The following ASTN2 variants were observed in gnomAD, a reference collection of about 807,000 sequenced individuals.
ASTN2 encodes astrotactin-2.
ASTN2 carries 54 observed loss-of-function variants against 139.8 expected under a neutral mutation model. That is an observed-to-expected ratio of 0.39 (90% confidence interval 0.31 to 0.48). The LOEUF is 0.48. Among genes scored for constraint, ASTN2 ranks in the 20% least tolerant of loss-of-function variants. ASTN2 has a pLI of 0.95. For missense variants in ASTN2, 1,565 were observed against 1,725.1 expected (o/e 0.91, Z 1.64); for synonymous variants, 756 against 719.5 (o/e 1.05, Z -0.81).
chr9:116,705,085 T>TAAG (rs1201687095), intron 16 of ASTN2, among the ~76,000 whole-genome samples: 1 of 152,194 alleles, frequency 6.6e-6, no homozygotes, highest in African/African-American at 2.4e-5. Context: ...ATATCCCTGT[T>TAAG]AAGTGGTTAA....
chr9:116,632,378 T>C (rs972015541), intron 17 of ASTN2, among the ~76,000 whole-genome samples: 5 of 151,508 alleles, frequency 3.3e-5, no homozygotes, highest in African/African-American at 1.2e-4. Context: ...GAGGATTGCT[T>C]GAGGCCAGGA....
At chr9:116,890,569 A>T (rs1056106188) in intron 10 of ASTN2, among the ~76,000 whole-genome samples, 1 of 152,178 alleles carries the variant, frequency 6.6e-6, no homozygotes, top group Non-Finnish European at 1.5e-5. Flanking sequence ...TGATCTTTTG[A>T]CACTTAAGCT....
chr9:117,263,182 A>G (rs1833864896), intron 2 of ASTN2, among the ~76,000 whole-genome samples: 1 of 151,970 alleles, frequency 6.6e-6, no homozygotes, highest in Non-Finnish European at 1.5e-5. Flanking sequence ...AATAAGAAGG[A>G]CTCCTTTTTT....
chr9:117,406,277 T>G (rs1830984956), intron 1 of ASTN2, among the ~76,000 whole-genome samples: 1 of 152,204 alleles, frequency 6.6e-6, no homozygotes, highest in South Asian at 2.1e-4. Flanking sequence ...CAGTAGAGAC[T>G]CCTTCAGGCT....
chr9:117,332,363 GA>G (rs1828738835), intron 1 of ASTN2, among the ~76,000 whole-genome samples: 2 of 152,092 alleles, frequency 1.3e-5, no homozygotes, highest in African/African-American at 2.4e-5. Flanking sequence ...TTGAGGTCAG[GA>G]GTTCAAGACC....
intron 4 of ASTN2, 138 bp downstream of exon 4, chr9:117,141,188 G>C (rs1046949407): frequency 1.1e-6 from 1 of 938,416 alleles, no homozygotes; most frequent in Non-Finnish European, 1.4e-6. Flanking sequence ...CAGCCTCCAA[G>C]GGGATTTATC....
At chr9:116,590,521 T>A (rs1196130020) in intron 19 of ASTN2, among the ~76,000 whole-genome samples, 2 of 152,194 alleles carry the variant, frequency 1.3e-5, no homozygotes, top group Non-Finnish European at 2.9e-5. Flanking sequence ...AACAACCTGG[T>A]GCCAGGGATG....
intron 13 of ASTN2, among the ~76,000 whole-genome samples, chr9:116,780,055 A>C (rs563849979): frequency 6.6e-6 from 1 of 152,336 alleles, no homozygotes; most frequent in Admixed American, 6.5e-5. Flanking sequence ...CCACTCATTC[A>C]TTCATTGAAC....
At chr9:116,527,499 GCTA>G (rs900388630) in intron 19 of ASTN2, among the ~76,000 whole-genome samples, 58 of 152,128 alleles carry the variant, frequency 3.8e-4, no homozygotes, top group African/African-American at 1.4e-3. Flanking sequence ...TGTTAGAATG[GCTA>G]CTATCAAAAA....
chr9:116,503,104 A>AG (rs901501928), intron 19 of ASTN2, among the ~76,000 whole-genome samples: 3 of 151,278 alleles, frequency 2.0e-5, no homozygotes, highest in Admixed American at 2.0e-4. Context: ...ATGGAAGAAA[A>AG]GAAAAAAGGA....
intron 20 of ASTN2, among the ~76,000 whole-genome samples, chr9:116,446,608 A>G (rs1223395677): frequency 1.3e-5 from 2 of 152,126 alleles, no homozygotes; most frequent in African/African-American, 4.8e-5. Flanking sequence ...GTCCAAGTCT[A>G]CTTATGGGAT....
intron 10 of ASTN2, among the ~76,000 whole-genome samples, chr9:116,951,792 T>A (rs1218049751): frequency 6.6e-6 from 1 of 152,156 alleles, no homozygotes; most frequent in South Asian, 2.1e-4. Context: ...AAGTGGGAGA[T>A]GTTATTTTAC....
chr9:117,030,330 C>T (rs928655931), intron 6 of ASTN2, among the ~76,000 whole-genome samples: 2 of 152,172 alleles, frequency 1.3e-5, no homozygotes, highest in African/African-American at 4.8e-5. Context: ...AACAACAGAA[C>T]GGAATTATTA....
chr9:117,130,344 G>A (rs1829798388), intron 4 of ASTN2, among the ~76,000 whole-genome samples: 1 of 152,048 alleles, frequency 6.6e-6, no homozygotes, highest in Admixed American at 6.6e-5. Flanking sequence ...AACTATCACT[G>A]AATCTTAATG....
chr9:117,213,441 C>G (rs1018319001), intron 3 of ASTN2, among the ~76,000 whole-genome samples: 1 of 152,084 alleles, frequency 6.6e-6, no homozygotes, highest in Non-Finnish European at 1.5e-5. Flanking sequence ...TAACTAGGAG[C>G]TTATTGAACA....
intron 1 of ASTN2, among the ~76,000 whole-genome samples, chr9:117,369,743 A>C (rs1245416868): frequency 6.6e-6 from 1 of 152,182 alleles, no homozygotes; most frequent in Non-Finnish European, 1.5e-5. Flanking sequence ...CACATGAGTA[A>C]GTGAGTGAAG....
intron 2 of ASTN2, among the ~76,000 whole-genome samples, chr9:117,268,540 T>C (rs2133120510): frequency 6.6e-6 from 1 of 152,302 alleles, no homozygotes; most frequent in Admixed American, 6.5e-5. Flanking sequence ...TCTGATACAG[T>C]GCCATCTTGT....
Position 116,805,100 on chromosome 9 carries a change from G to A in ASTN2, c.2396+532C>T, listed in dbSNP as rs114969122. On this transcript the variant is annotated intron_variant, in intron 13 of 22. Transcript: ENST00000313400. Reference sequence around the variant, plus strand: ...AGCAATTTCTAAACAGCTTTACTGGGATTTGGGGAGTGTGTGTGTGTGTGT... The same window carrying A: ...AGCAATTTCTAAACAGCTTTACTGGAATTTGGGGAGTGTGTGTGTGTGTGT... Among the ~76,000 whole-genome samples the A allele has an allele frequency of 5.7e-3, 743 of 130,452 alleles. 9 individuals are homozygous for A. Among genetic ancestry groups the A allele is most frequent in the African/African-American group, 0.022 (721 of 32,642 alleles). 85.6% of individuals were successfully genotyped at this position (130,452 alleles called of 152,430 possible). A position where few individuals can be genotyped will look rare whatever the true frequency, so the allele number is the denominator to read the frequency against.
In ASTN2 at chr9:116,765,557, C is replaced by T. The variant is rs575160621; in HGVS notation, c.2397-32034G>A. 1.8e-4 allele frequency among the ~76,000 whole-genome samples: 27 copies of T among 152,206 alleles called. 1 individual carries two copies. Among genetic ancestry groups the T allele is most frequent in the African/African-American group, 6.0e-4 (25 of 41,526 alleles). On this transcript the variant is annotated intron_variant, in intron 13 of 22. Transcript: ENST00000313400. Reference sequence around the variant, plus strand: ...AGACAAGTGTGCACAGCTGTATTTACAAGGATGCTTACTGCAACATAGTTT... The same window carrying T: ...AGACAAGTGTGCACAGCTGTATTTATAAGGATGCTTACTGCAACATAGTTT...
Sources: allele counts gnomAD v4.1 joint callset (sites outside exome capture counted in the v4.1 genomes callset), GRCh38; gene constraint gnomAD v4.1.1; transcripts MANE v1.5; gene names NCBI Gene and HGNC (gene_info 2026-07-23, HGNC 2026-07-21).